MYOM1: variants seen among roughly 807,000 people sequenced by gnomAD.
MYOM1 encodes the protein myomesin-1.
Under a neutral mutation model 205.3 loss-of-function variants are expected in MYOM1, and 164 were observed. That is an observed-to-expected ratio of 0.80 (90% CI 0.70 to 0.91). MYOM1 has a LOEUF of 0.91. Among genes scored for constraint, MYOM1 ranks in the 40% least tolerant of loss-of-function variants. The pLI is 0.00. For missense variants in MYOM1, 2,011 were observed against 2,127.3 expected (o/e 0.95, Z 1.08); for synonymous variants, 772 against 789.4 (o/e 0.98, Z 0.37).
At chr18:3,236,869 G>A in the MYOM1 span, among the ~76,000 whole-genome samples, 2 of 152,190 alleles carry the variant, frequency 1.3e-5, no homozygotes, top group Non-Finnish European at 2.9e-5. Flanking sequence ...AGCGAAATTA[G>A]GAGGAATTGG....
chr18:3,238,176 T>A, the MYOM1 span, among the ~76,000 whole-genome samples: 1 of 152,156 alleles, frequency 6.6e-6, no homozygotes, highest in Non-Finnish European at 1.5e-5. Flanking sequence ...TGGGAGACAG[T>A]GACAGATCAT....
intron 22 of MYOM1, among the ~76,000 whole-genome samples, chr18:3,104,014 ACAAT>A (rs2079417705): frequency 6.6e-6 from 1 of 152,250 alleles, no homozygotes; most frequent in African/African-American, 2.4e-5. Flanking sequence ...AAGTGAAATA[ACAAT>A]CAATTAAAGG....
intron 9 of MYOM1, 95 bp from the exon 10 acceptor site, chr18:3,164,534 A>G (rs1598736608): frequency 1.7e-6 from 2 of 1,187,984 alleles, no homozygotes; most frequent in East Asian, 2.6e-5. Flanking sequence ...CTTTTCTATA[A>G]TGAAAGTAAT....
Position 3,164,368 on chromosome 18 carries a change from G to T in MYOM1, c.1411C>A (p.His471Asn). The change falls in exon 10 of 38, where the codon CAT (histidine) becomes AAT (asparagine). Residue 471 changes from histidine to asparagine, a missense_variant. Transcript: ENST00000356443. ...AGGCCTTCATCTTCTTTGTTGAGAT[G>T]GGAAAATGTCAGCGTTGCCCGCTCT... Reference protein sequence around the residue: ...SGERATLTFSHLNKEDEGLYT... With the variant: ...SGERATLTFSNLNKEDEGLYT... 1 of 1,612,108 alleles carries T rather than the reference G, an allele frequency of 6.2e-7. No individual in the cohort carries two copies. The highest frequency in any genetic ancestry group is 8.5e-7 in the Non-Finnish European group (1 of 1,178,992).
intron 22 of MYOM1, among the ~76,000 whole-genome samples, chr18:3,109,100 C>T (rs2143789183): frequency 6.6e-6 from 1 of 151,862 alleles, no homozygotes; most frequent in Non-Finnish European, 1.5e-5. Context: ...CCTGCCTTAT[C>T]CTCCTGAGAA....
rs769808485 is a variant in MYOM1, at chr18:3,116,481, C to G, written c.3153G>C (p.Arg1051Ser). The G allele has an allele frequency of 3.1e-6, 5 of 1,605,924 alleles. No homozygotes were observed. The African/African-American group carries it at 6.7e-5, about 21-fold the overall frequency. The change falls in exon 21 of 38, where the codon AGG (arginine) becomes AGC (serine). Residue 1051 changes from arginine to serine, a missense_variant. Arg to Ser is a moderately radical substitution (Grantham distance 110). Transcript: ENST00000356443. ...PPHSLKCSEV[R>S]KDSLVLQWKP... ...TCCACTGGAGAACCAGTGAGTCTTT[C>G]CTGACTTCACTACACTTGAGACTGT...
the MYOM1 span, among the ~76,000 whole-genome samples, chr18:3,228,205 A>G: frequency 6.6e-6 from 1 of 152,230 alleles, no homozygotes; most frequent in Non-Finnish European, 1.5e-5. The surrounding 1 kb of genome is among the most constrained non-coding windows in gnomAD (Gnocchi z 4.5). Context: ...AGTGGGCTGC[A>G]TTACAGAAGA....
chr18:3,151,591 C>T, intron 12 of MYOM1, 103 bp downstream of exon 12: 1 of 982,864 alleles, frequency 1.0e-6, no homozygotes, highest in Non-Finnish European at 1.4e-6. Flanking sequence ...TTGTTCTTGT[C>T]TCCCTCTAGT....
At chr18:3,214,752 G>A (rs1404780157) in intron 2 of MYOM1, among the ~76,000 whole-genome samples, 182 bp downstream of exon 2, 1 of 152,172 alleles carries the variant, frequency 6.6e-6, no homozygotes, top group Non-Finnish European at 1.5e-5. Context: ...GAACCCAGGA[G>A]GCAGCAGAGG....
the MYOM1 span, among the ~76,000 whole-genome samples, chr18:3,240,283 C>G: frequency 3.9e-5 from 6 of 152,194 alleles, no homozygotes; most frequent in Non-Finnish European, 8.8e-5. Flanking sequence ...AGTTAACTAT[C>G]AGAGCCAGTG....
At chr18:3,102,804 C>T (rs993768995) in intron 22 of MYOM1, among the ~76,000 whole-genome samples, 174 bp from the exon 23 acceptor site, 1 of 152,192 alleles carries the variant, frequency 6.6e-6, no homozygotes, top group African/African-American at 2.4e-5. Flanking sequence ...AACTTTTATG[C>T]CATAACATGA....
At chr18:3,176,480 A>AG (rs11400713) in intron 5 of MYOM1, among the ~76,000 whole-genome samples, 99,683 of 151,926 alleles carry the variant, frequency 0.66, 32,890 homozygotes, top group African/African-American at 0.7. Context: ...AAAAACAAAA[A>AG]ACTAATTAAT....
At chr18:3,195,410 C>A (rs946996953) in intron 2 of MYOM1, among the ~76,000 whole-genome samples, 17 of 152,198 alleles carry the variant, frequency 1.1e-4, no homozygotes, top group Admixed American at 9.2e-4. Flanking sequence ...CTGTCCTGGG[C>A]AGCAGCAAAA....
the MYOM1 span, among the ~76,000 whole-genome samples, chr18:3,234,660 G>C: frequency 6.6e-6 from 1 of 152,074 alleles, no homozygotes; most frequent in Non-Finnish European, 1.5e-5. Context: ...AGCTATTGCT[G>C]TGCCACCTTC....
At chr18:3,085,375 C>G (rs1307369370) in intron 30 of MYOM1, among the ~76,000 whole-genome samples, 1 of 151,056 alleles carries the variant, frequency 6.6e-6, no homozygotes, top group Non-Finnish European at 1.5e-5. Context: ...CTACCAAAAG[C>G]ACTGGGATTA....
intron 14 of MYOM1, among the ~76,000 whole-genome samples, chr18:3,141,048 A>T (rs34084777): frequency 0.14 from 21,886 of 152,154 alleles, 1,741 homozygotes; most frequent in Middle Eastern, 0.23. Context: ...TTTGAACCTC[A>T]TTTTAAGCAA....
chr18:3,166,601 CACTA>C (rs761099294), intron 9 of MYOM1, among the ~76,000 whole-genome samples: 2 of 152,086 alleles, frequency 1.3e-5, no homozygotes, highest in Non-Finnish European at 1.5e-5. Context: ...TGATCTCTTT[CACTA>C]ACTAATTATG....
intron 2 of MYOM1, among the ~76,000 whole-genome samples, chr18:3,208,265 T>C (rs2081149930): frequency 6.6e-6 from 1 of 152,186 alleles, no homozygotes; most frequent in Admixed American, 6.5e-5. Context: ...ATCCCAGCAC[T>C]TTGGGATGCC....
At position 3,134,718 on chromosome 18, in the gene MYOM1, G is replaced by A. The variant is rs749743134; in HGVS notation, c.2316C>T (p.Tyr772=). 2 of 1,613,936 alleles carry A rather than the reference G, an allele frequency of 1.2e-6. No individual in the cohort carries two copies. The highest frequency in any genetic ancestry group is 1.7e-6 in the Non-Finnish European group (2 of 1,179,878). Residue 772 remains tyrosine, a synonymous_variant, in exon 16 of 38, where the codon TAC becomes TAT. Coordinates refer to ENST00000356443, the MANE Select transcript of MYOM1 (RefSeq NM_003803.4). ...CAGAGCCAGCAACGCTCGCCTCTAT[G>A]TAGTACCCGACCAGCTCTTTGGCAT... ...SKDAKELVGY[Y]IEASVAGSGK...
Sources: gnomAD v4.1 joint callset for allele counts (sites outside exome capture counted in the v4.1 genomes callset) on GRCh38, gnomAD v4.1.1 for gene constraint, Gnocchi (gnomAD v3.1) non-coding constraint, MANE v1.5 for transcripts, NCBI Gene and HGNC (gene_info 2026-07-23, HGNC 2026-07-21) for gene names.